The following TNS3 variants were observed in gnomAD, a reference collection of about 807,000 sequenced individuals.
The protein encoded by TNS3 is tensin 3, also known as tensin-3.
In TNS3, 45 loss-of-function variants were observed where a neutral mutation model predicts 140.9. The observed-to-expected ratio is 0.32, with a 90% CI of 0.25 to 0.41. The LOEUF is 0.41. Ranked by LOEUF, TNS3 falls within the 10% of genes least tolerant of loss-of-function variation. The pLI is 1.00. For synonymous variants in TNS3, 815 were observed against 788.4 expected, an observed-to-expected ratio of 1.03 and a Z score of -0.56; for missense variants, 1,716 against 1,906.7, an observed-to-expected ratio of 0.90 and a Z score of 1.86.
chr7:47,438,241 A>G (rs765281870), intron 6 of TNS3, among the ~76,000 whole-genome samples: 16 of 152,248 alleles, frequency 1.1e-4, no homozygotes, highest in Non-Finnish European at 1.8e-4. Context: ...AACCCTGCAC[A>G]AGAAAAAGAT....
chr7:47,582,020 G>C (rs1455671286), intron 1 of TNS3, 31 bp downstream of exon 1: 1 of 152,018 alleles, frequency 6.6e-6, no homozygotes, highest in East Asian at 1.9e-4. Context: ...GCGGCGCGTG[G>C]CCGCGTTTCC....
intron 27 of TNS3, among the ~76,000 whole-genome samples, 167 bp from the exon 28 acceptor site, chr7:47,284,032 A>C (rs1227020388): frequency 2.0e-5 from 3 of 152,222 alleles, no homozygotes; most frequent in Non-Finnish European, 4.4e-5. Flanking sequence ...TAATTCTGAA[A>C]ACATGAACAG....
At chr7:47,554,963 G>C (rs975069482) in intron 1 of TNS3, among the ~76,000 whole-genome samples, 3 of 151,874 alleles carry the variant, frequency 2.0e-5, no homozygotes, top group Admixed American at 1.3e-4. Context: ...GGGAGGCAGA[G>C]GTTGCAGTGA....
chr7:47,567,752 A>G (rs1289902725), intron 1 of TNS3, among the ~76,000 whole-genome samples: 2 of 152,058 alleles, frequency 1.3e-5, no homozygotes, highest in Non-Finnish European at 2.9e-5. Context: ...CAGGACCTGT[A>G]TGCCAAACTA....
chr7:47,286,409 G>T (rs1382931997), intron 27 of TNS3, among the ~76,000 whole-genome samples: 1 of 152,130 alleles, frequency 6.6e-6, no homozygotes, highest in Non-Finnish European at 1.5e-5. Flanking sequence ...GACACCAAGT[G>T]CCCCAAAGCC....
chr7:47,365,352 A>G (rs1043679159), intron 17 of TNS3, among the ~76,000 whole-genome samples: 3 of 151,980 alleles, frequency 2.0e-5, no homozygotes, highest in African/African-American at 7.3e-5. Flanking sequence ...GGCTGAGCCA[A>G]GAGAATCATT....
At chr7:47,370,139 G>C (rs145266005) in intron 16 of TNS3, among the ~76,000 whole-genome samples, 3 of 152,142 alleles carry the variant, frequency 2.0e-5, no homozygotes, top group Admixed American at 2.0e-4. Flanking sequence ...AGCTGGGCGT[G>C]GTGGCGCATG....
intron 27 of TNS3, among the ~76,000 whole-genome samples, chr7:47,288,029 A>G (rs555064698): frequency 6.6e-6 from 1 of 152,372 alleles, no homozygotes; most frequent in East Asian, 1.9e-4. Context: ...CACTGTTATG[A>G]TCAACTAAAT....
chr7:47,289,998 A>G (rs543513840), intron 27 of TNS3, among the ~76,000 whole-genome samples: 1 of 152,334 alleles, frequency 6.6e-6, no homozygotes, highest in East Asian at 1.9e-4. Flanking sequence ...CAGGATTACT[A>G]TAAAGCTAAA....
intron 2 of TNS3, 127 bp from the exon 3 acceptor site, chr7:47,507,071 G>A: frequency 1.5e-6 from 1 of 680,226 alleles, no homozygotes; most frequent in Non-Finnish European, 2.2e-6. Flanking sequence ...CCTCTCTCTG[G>A]CACGAGAGAG....
chr7:47,332,623 T>G (rs956520081), intron 20 of TNS3, among the ~76,000 whole-genome samples: 1 of 152,124 alleles, frequency 6.6e-6, no homozygotes, highest in African/African-American at 2.4e-5. Context: ...AATGCTTGAA[T>G]AAGGAAGTGC....
intron 3 of TNS3, among the ~76,000 whole-genome samples, chr7:47,484,863 C>T (rs548387098): frequency 1.3e-5 from 2 of 152,306 alleles, no homozygotes; most frequent in East Asian, 1.9e-4. Flanking sequence ...AGGGAAGCAC[C>T]GTGGGTCGGG....
chr7:47,488,761 G>A (rs1384059497), intron 3 of TNS3, among the ~76,000 whole-genome samples: 2 of 151,970 alleles, frequency 1.3e-5, no homozygotes, highest in East Asian at 1.9e-4. Flanking sequence ...GACACAGAAC[G>A]TTCTGGGCAC....
chr7:47,389,000 AAGGAAGAAG>A (rs1792252898), intron 16 of TNS3, among the ~76,000 whole-genome samples: 1 of 15,200 alleles, frequency 6.6e-5, no homozygotes, highest in African/African-American at 8.5e-5. Context: ...GAAGAAGAAG[AAGGAAGAAG>A]AAGAAGAAGA....
intron 4 of TNS3, among the ~76,000 whole-genome samples, chr7:47,478,817 T>C: frequency 6.6e-6 from 1 of 152,140 alleles, no homozygotes; most frequent in Non-Finnish European, 1.5e-5. Flanking sequence ...ATAACATGCA[T>C]GTATGTGTTC....
intron 1 of TNS3, among the ~76,000 whole-genome samples, chr7:47,534,091 T>C (rs1373603626): frequency 1.3e-5 from 2 of 152,124 alleles, no homozygotes; most frequent in East Asian, 3.9e-4. Context: ...CTGGCCAACA[T>C]GGTGAAACCC....
At chr7:47,400,662 T>C in intron 14 of TNS3, 123 bp downstream of exon 14, 1 of 1,492,644 alleles carries the variant, frequency 6.7e-7, no homozygotes, top group East Asian at 2.3e-5. Context: ...TCTCCTACTT[T>C]GGGAACAATT....
chr7:47,389,592 C>T (rs1792389031), intron 16 of TNS3, among the ~76,000 whole-genome samples: 1 of 29,758 alleles, frequency 3.4e-5, no homozygotes, highest in Non-Finnish European at 8.6e-5. Context: ...CTTTTGACTG[C>T]CCCCAATGCC....
At chr7:47,293,867 A>T in intron 24 of TNS3, 39 bp from the exon 25 acceptor site, 1 of 1,590,746 alleles carries the variant, frequency 6.3e-7, no homozygotes. Flanking sequence ...ATTTTTTGAA[A>T]ATGGGAGCAT....
Sources: allele counts gnomAD v4.1 joint callset (sites outside exome capture counted in the v4.1 genomes callset), GRCh38; gene constraint gnomAD v4.1.1; transcripts MANE v1.5; gene names NCBI Gene and HGNC (gene_info 2026-07-23, HGNC 2026-07-21).